The following PPP6R2 variants were observed in gnomAD, a reference collection of about 807,000 sequenced individuals.
PPP6R2 encodes protein phosphatase 6 regulatory subunit 2.
PPP6R2 carries 62 observed loss-of-function variants against 100.2 expected under a neutral mutation model. That is an observed-to-expected ratio of 0.62 (90% CI 0.50 to 0.76). PPP6R2 has a LOEUF of 0.76. PPP6R2 is among the 30% of genes least tolerant of loss of function. The probability of loss-of-function intolerance (pLI) is 0.00; values close to 1 mark genes in which losing one functional copy is unlikely to be tolerated. For synonymous variants in PPP6R2, 525 were observed against 514.7 expected, an observed-to-expected ratio of 1.02 and a Z score of -0.27; for missense variants, 1,142 against 1,276.3, an observed-to-expected ratio of 0.89 and a Z score of 1.60.
At chr22:50,337,042 T>C in the PPP6R2 span, among the ~76,000 whole-genome samples, 2 of 152,138 alleles carry the variant, frequency 1.3e-5, no homozygotes, top group Admixed American at 1.3e-4. Context: ...TGTCCCTTTA[T>C]TGAACCATAA....
At chr22:50,435,988 TG>T (rs1259332695) in intron 13 of PPP6R2, among the ~76,000 whole-genome samples, 1 of 151,886 alleles carries the variant, frequency 6.6e-6, no homozygotes, top group Non-Finnish European at 1.5e-5. Context: ...GCCTGTGAGG[TG>T]GGGGGAAGGA....
chr22:50,443,861 C>T lies in PPP6R2; in HGVS notation c.2580-5C>T. 6.4e-7 allele frequency: 1 copy of T among 1,569,858 alleles called. No homozygotes were observed. Among genetic ancestry groups the T allele is most frequent in the Non-Finnish European group, 8.7e-7 (1 of 1,154,402 alleles). ...CCGTAACCGGAGTCCATGTTTGCCA[C>T]ACAGGGTCGGGTGTGCTGACAGCCG... On this transcript the variant is annotated splice_polypyrimidine_tract_variant and splice_region_variant and intron_variant, in intron 22 of 23. Coordinates refer to ENST00000612753, the MANE Select transcript of PPP6R2 (RefSeq NM_001242898.2).
chr22:50,440,859 C>T lies in PPP6R2; in HGVS notation c.2412C>T (p.Val804=), dbSNP rs1390861222. Residue 804 remains valine, a synonymous_variant, in exon 22 of 24, where the codon GTC becomes GTT. Coordinates refer to ENST00000612753, the MANE Select transcript of PPP6R2 (RefSeq NM_001242898.2). ...CTCCATGTGCCTGGAACGTGTGTGT[C>T]ACCAGGAAGGCCCCCCTGCTGGCCT... is the stretch of plus-strand genomic sequence containing the variant. The part of the protein sequence containing the change: ...PASPCAWNVC[V]TRKAPLLASD... The T allele has an allele frequency of 6.2e-7, 1 of 1,613,866 alleles. No homozygotes were observed. Among genetic ancestry groups the T allele is most frequent in the African/African-American group, 1.3e-5 (1 of 75,064 alleles).
chr22:50,393,130 C>T (rs1363852865), intron 2 of PPP6R2, among the ~76,000 whole-genome samples: 2 of 152,178 alleles, frequency 1.3e-5, no homozygotes, highest in African/African-American at 2.4e-5. Flanking sequence ...CAGACAAAGA[C>T]AGCAAGAGCT....
rs2052968761 is a variant in PPP6R2, at chr22:50,381,388, TCACACGGGCCCCACCTCAGCAC to T, written c.-17+9260_-17+9281del. ...GCACCACACGGGCCCCACCTCAGCA[TCACACGGGCCCCACCTCAGCAC>T]CACACGGGCCCCACCTCAGCATCAC... On this transcript the variant is annotated intron_variant, in intron 2 of 23. Coordinates refer to ENST00000612753, the MANE Select transcript of PPP6R2 (RefSeq NM_001242898.2). Among the ~76,000 whole-genome samples the T allele has an allele frequency of 1.1e-4, 4 of 35,296 alleles. No homozygotes were observed. The East Asian group carries it at 1.8e-3, about 16-fold the overall frequency. The allele number at this position is 35,296 out of a possible 152,430, so 23.2% of individuals were successfully genotyped here.
At chr22:50,332,726 C>T in the PPP6R2 span, among the ~76,000 whole-genome samples, 2 of 150,938 alleles carry the variant, frequency 1.3e-5, no homozygotes. Context: ...TGGGTTCAAG[C>T]GATTCTCCTG....
At chr22:50,434,825 C>G (rs1398005885) in intron 12 of PPP6R2, 141 bp from the exon 13 acceptor site, 2 of 671,356 alleles carry the variant, frequency 3.0e-6, no homozygotes, top group Non-Finnish European at 4.8e-6. Context: ...TGGAGGAGGG[C>G]CGGGGGCGCG....
chr22:50,337,356 T>TTGG, the PPP6R2 span, among the ~76,000 whole-genome samples: 2 of 132,180 alleles, frequency 1.5e-5, no homozygotes, highest in Middle Eastern at 4.9e-3. Flanking sequence ...GTGTGGTGTG[T>TTGG]GGGTGTGTGT....
chr22:50,341,790 C>G (rs956494535), upstream of PPP6R2, among the ~76,000 whole-genome samples: 1 of 151,984 alleles, frequency 6.6e-6, no homozygotes, highest in Admixed American at 6.6e-5. Flanking sequence ...GTCAGGAGAT[C>G]AAGACCATCC....
intron 13 of PPP6R2, among the ~76,000 whole-genome samples, chr22:50,435,841 A>G (rs2064115286): frequency 6.6e-6 from 1 of 152,154 alleles, no homozygotes; most frequent in Non-Finnish European, 1.5e-5. Context: ...GGGGCAGTTT[A>G]AGGAGGCGAG....
chr22:50,388,189 A>G (rs1336923215), intron 2 of PPP6R2, among the ~76,000 whole-genome samples: 1 of 151,882 alleles, frequency 6.6e-6, no homozygotes. Flanking sequence ...AAAAAAAAAA[A>G]ACAGTCAGCT....
At chr22:50,413,423 G>C (rs894492100) in intron 4 of PPP6R2, among the ~76,000 whole-genome samples, 2 of 152,160 alleles carry the variant, frequency 1.3e-5, no homozygotes, top group Non-Finnish European at 2.9e-5. Flanking sequence ...GAGCTCAGAA[G>C]GTGGAGGCTG....
At chr22:50,387,637 T>G (rs926169724) in intron 2 of PPP6R2, among the ~76,000 whole-genome samples, 1 of 152,178 alleles carries the variant, frequency 6.6e-6, no homozygotes, top group African/African-American at 2.4e-5. Context: ...GGAAAAAACC[T>G]CCTGGTTTGT....
intron 10 of PPP6R2, among the ~76,000 whole-genome samples, chr22:50,430,712 A>G (rs1022493635): frequency 6.6e-6 from 1 of 152,014 alleles, no homozygotes; most frequent in African/African-American, 2.4e-5. Context: ...CGTCTCTACT[A>G]AAAATACAAA....
chr22:50,408,779 A>C (rs920868520), intron 4 of PPP6R2, among the ~76,000 whole-genome samples: 4 of 152,186 alleles, frequency 2.6e-5, no homozygotes, highest in African/African-American at 9.7e-5. Context: ...TCTCTCACCC[A>C]GTACTTAAGG....
chr22:50,398,502 A>C (rs2057477843), intron 3 of PPP6R2, among the ~76,000 whole-genome samples: 1 of 149,460 alleles, frequency 6.7e-6, no homozygotes, highest in Non-Finnish European at 1.5e-5. Flanking sequence ...TTAAAAAAAA[A>C]AACATATTAA....
chr22:50,339,504 TGTGTGTGGTGTGTGTGGTATGTG>T (rs1319533999), upstream of PPP6R2, among the ~76,000 whole-genome samples: 1 of 134,476 alleles, frequency 7.4e-6, no homozygotes, highest in South Asian at 2.4e-4. Context: ...GTGTGTGTTG[TGTGTGTGGTGTGTGTGGTATGTG>T]GTGTGTGGTG....
intron 2 of PPP6R2, among the ~76,000 whole-genome samples, chr22:50,375,832 ATTTTTTTTTTTTTT>A (rs557118142): frequency 4.6e-5 from 3 of 64,562 alleles, no homozygotes; most frequent in African/African-American, 2.5e-4. Flanking sequence ...ATCCCTGCAG[ATTTTTTTTTTTTTT>A]TTTTTTTTTT....
chr22:50,377,061 A>G (rs1209743847), intron 2 of PPP6R2, among the ~76,000 whole-genome samples: 3 of 152,218 alleles, frequency 2.0e-5, no homozygotes, highest in Admixed American at 6.6e-5. Flanking sequence ...TAAATATTTA[A>G]CAACATAAAA....
Sources: gnomAD v4.1 joint callset for allele counts (sites outside exome capture counted in the v4.1 genomes callset) on GRCh38, gnomAD v4.1.1 for gene constraint, MANE v1.5 for transcripts, NCBI Gene and HGNC (gene_info 2026-07-23, HGNC 2026-07-21) for gene names.